The following C3orf70 variants were observed in gnomAD, a reference collection of about 807,000 sequenced individuals.
C3orf70 encodes chromosome 3 open reading frame 70.
Under a neutral mutation model 20.7 loss-of-function variants are expected in C3orf70, and 15 were observed. The observed-to-expected ratio is 0.72, with a 90% CI of 0.48 to 1.11. The LOEUF is 1.11. C3orf70 is among the 50% of genes most tolerant of loss of function. The pLI, the probability that C3orf70 is intolerant of heterozygous loss-of-function variation, is 0.00. For synonymous variants in C3orf70, 161 were observed against 125.7 expected, an observed-to-expected ratio of 1.28 and a Z score of -1.88; for missense variants, 332 against 317.6, an observed-to-expected ratio of 1.05 and a Z score of -0.34.
chr3:185,090,486 G>A lies in C3orf70; in HGVS notation c.197-6923C>T, dbSNP rs149740078. 2.5e-3 allele frequency among the ~76,000 whole-genome samples: 373 copies of A among 151,954 alleles called. 2 individuals are homozygous for A. The highest frequency in any genetic ancestry group is 0.018 in the Admixed American group (280 of 15,250). Reference sequence around the variant, plus strand: ...GACACAAGAAGTATACTGCTCTCAGGGAATGCAAAGTAATTTAAATATTTG... The same window carrying A: ...GACACAAGAAGTATACTGCTCTCAGAGAATGCAAAGTAATTTAAATATTTG... On this transcript the variant is annotated intron_variant, in intron 1 of 1. Transcript: ENST00000335012.
At chr3:185,132,292 A>G (rs973241533) in intron 1 of C3orf70, among the ~76,000 whole-genome samples, 1 of 152,192 alleles carries the variant, frequency 6.6e-6, no homozygotes, top group African/African-American at 2.4e-5. Context: ...AACATAAAAC[A>G]AGTATGTTTC....
chr3:185,142,664 C>G (rs1449445587), intron 1 of C3orf70, among the ~76,000 whole-genome samples: 1 of 152,112 alleles, frequency 6.6e-6, no homozygotes, highest in Non-Finnish European at 1.5e-5. Context: ...ATCAAAGTAT[C>G]ACCCCACAGA....
chr3:185,084,959 A>G (rs976440760), intron 1 of C3orf70, among the ~76,000 whole-genome samples: 3 of 152,142 alleles, frequency 2.0e-5, no homozygotes, highest in Non-Finnish European at 2.9e-5. Flanking sequence ...AGGGCTTTTA[A>G]CCTTAGCACT....
At chr3:185,143,917 A>G (rs1716804914) in intron 1 of C3orf70, among the ~76,000 whole-genome samples, 1 of 152,006 alleles carries the variant, frequency 6.6e-6, no homozygotes. Context: ...ATTGCTTAAC[A>G]ATGGAGGAAA....
In C3orf70 at chr3:185,123,002, A is replaced by AG. The variant is rs560130002; in HGVS notation, c.196+29625_196+29626insC. On this transcript the variant is annotated intron_variant, in intron 1 of 1. Transcript: ENST00000335012. ...GAAATCTCATCTCTACTAAAAAAAA[A>AG]AAGAAAAAGAAAAAGAAATACAAAA... Among the ~76,000 whole-genome samples the AG allele has an allele frequency of 2.0e-5, 3 of 151,696 alleles. No individual in the cohort carries two copies. In the South Asian group the frequency reaches 6.3e-4, roughly 32 times the overall value.
chr3:185,123,941 T>C (rs1455480003), intron 1 of C3orf70, among the ~76,000 whole-genome samples: 1 of 152,194 alleles, frequency 6.6e-6, no homozygotes, highest in Non-Finnish European at 1.5e-5. Context: ...GAATTTTGTC[T>C]GTCAGAATTA....
Position 185,077,652 on chromosome 3 carries a change from C to T in C3orf70, c.*5355G>A, listed in dbSNP as rs138188076. 3.3e-5 allele frequency among the ~76,000 whole-genome samples: 5 copies of T among 152,250 alleles called. No homozygotes were observed. Among genetic ancestry groups the T allele is most frequent in the African/African-American group, 1.2e-4 (5 of 41,536 alleles). On this transcript the variant is annotated 3_prime_UTR_variant, in exon 2 of 2. Transcript: ENST00000335012. ...GAGTCTTGGTGACCAAGCGACCCCC[C>T]CAAGCTCTGCCGGGCAGCAGCCTCC...
At chr3:185,122,755 G>A (rs978280514) in intron 1 of C3orf70, among the ~76,000 whole-genome samples, 32 of 152,074 alleles carry the variant, frequency 2.1e-4, no homozygotes, top group African/African-American at 7.5e-4. Context: ...CCTCAATGTC[G>A]GCAAGCATCA....
At chr3:185,085,930 C>T (rs1715450200) in intron 1 of C3orf70, among the ~76,000 whole-genome samples, 1 of 152,150 alleles carries the variant, frequency 6.6e-6, no homozygotes, top group Non-Finnish European at 1.5e-5. Context: ...TCGTCTTTTT[C>T]ATTCTTGGCT....
At chr3:185,123,178 CAAAAAAAAA>C (rs34803531) in intron 1 of C3orf70, among the ~76,000 whole-genome samples, 1 of 91,356 alleles carries the variant, frequency 1.1e-5, no homozygotes, top group Non-Finnish European at 2.0e-5. Flanking sequence ...GACTCCATCT[CAAAAAAAAA>C]AAAAAAAAAA....
intron 1 of C3orf70, among the ~76,000 whole-genome samples, chr3:185,107,304 T>G (rs1379878769): frequency 6.6e-6 from 1 of 152,168 alleles, no homozygotes; most frequent in East Asian, 1.9e-4. Flanking sequence ...AATTATAACT[T>G]CCGTACCTAT....
At chr3:185,150,950 GGAAA>G (rs746440548) in intron 1 of C3orf70, among the ~76,000 whole-genome samples, 4 of 152,184 alleles carry the variant, frequency 2.6e-5, no homozygotes, top group Non-Finnish European at 5.9e-5. Context: ...ACCTATTTCA[GGAAA>G]GACATTGTGA....
rs561197360 is a variant in C3orf70, at chr3:185,082,618, T to C, written c.*389A>G. 9 of 215,098 alleles carry C rather than the reference T, an allele frequency of 4.2e-5. No homozygotes were observed. The highest frequency in any genetic ancestry group is 1.2e-4 in the African/African-American group (5 of 42,970). The allele number at this position is 215,098 out of a possible 1,614,324, so 13.3% of individuals were successfully genotyped here. ...GTGCCTGTGAACATGCCAAAGGGAATGGCAAGAGTCTCTGTGAAGGACTGG... is the reference window on the plus strand; with the variant it reads ...GTGCCTGTGAACATGCCAAAGGGAACGGCAAGAGTCTCTGTGAAGGACTGG... On this transcript the variant is annotated 3_prime_UTR_variant, in exon 2 of 2. Coordinates refer to ENST00000335012, the MANE Select transcript of C3orf70 (RefSeq NM_001025266.3).
At chr3:185,130,495 A>G (rs1716503843) in intron 1 of C3orf70, among the ~76,000 whole-genome samples, 1 of 152,158 alleles carries the variant, frequency 6.6e-6, no homozygotes, top group South Asian at 2.1e-4. Flanking sequence ...TTTATCCTTT[A>G]AAAGTATATA....
At chr3:185,114,396 G>C (rs941594493) in intron 1 of C3orf70, among the ~76,000 whole-genome samples, 3 of 152,106 alleles carry the variant, frequency 2.0e-5, no homozygotes, top group Admixed American at 1.3e-4. Flanking sequence ...TTTCCAGATA[G>C]TCTCTATCAT....
intron 1 of C3orf70, among the ~76,000 whole-genome samples, chr3:185,103,412 A>G (rs1433341375): frequency 6.6e-6 from 1 of 152,168 alleles, no homozygotes; most frequent in Admixed American, 6.5e-5. Context: ...GAGTAAACAG[A>G]CCACATACAG....
intron 1 of C3orf70, among the ~76,000 whole-genome samples, chr3:185,121,858 G>A (rs747198830): frequency 1.3e-5 from 2 of 152,166 alleles, no homozygotes; most frequent in Non-Finnish European, 2.9e-5. Context: ...CCAGCGCTTT[G>A]GGAGGCCAAG....
intron 1 of C3orf70, among the ~76,000 whole-genome samples, chr3:185,115,865 T>A (rs9849619): frequency 0.052 from 7,902 of 152,240 alleles, 668 homozygotes; most frequent in African/African-American, 0.18. Flanking sequence ...CTGGAGTCAC[T>A]TTCATAACGG....
At chr3:185,145,645 G>C (rs935619498) in intron 1 of C3orf70, among the ~76,000 whole-genome samples, 2 of 152,120 alleles carry the variant, frequency 1.3e-5, no homozygotes, top group Admixed American at 6.5e-5. Context: ...CCAAGAAACC[G>C]ACAGCCCTGG....
Sources: allele counts gnomAD v4.1 joint callset (sites outside exome capture counted in the v4.1 genomes callset), GRCh38; gene constraint gnomAD v4.1.1; transcripts MANE v1.5; gene names NCBI Gene and HGNC (gene_info 2026-07-23, HGNC 2026-07-21).